The following KLHL29 variants were observed in gnomAD, a reference collection of about 807,000 sequenced individuals.
KLHL29 encodes the protein kelch-like protein 29.
KLHL29 carries 21 observed loss-of-function variants against 80.4 expected under a neutral mutation model. The ratio of observed to expected loss-of-function variants is 0.26; its 90% CI spans 0.19 to 0.38. The LOEUF (loss-of-function observed/expected upper bound fraction) is 0.38. Ranked by LOEUF, KLHL29 falls within the 10% of genes least tolerant of loss-of-function variation. The pLI, the probability that KLHL29 is intolerant of heterozygous loss-of-function variation, is 1.00. For synonymous variants in KLHL29, 511 were observed against 526.8 expected (o/e 0.97, Z 0.41); for missense variants, 867 against 1,223.9 (o/e 0.71, Z 4.35).
At chr2:23,633,781 G>A (rs1404604494) in intron 3 of KLHL29, among the ~76,000 whole-genome samples, 1 of 151,996 alleles carries the variant, frequency 6.6e-6, no homozygotes, top group Non-Finnish European at 1.5e-5. Context: ...GTGTGTGTGT[G>A]TGTGTGTGTG....
intron 2 of KLHL29, among the ~76,000 whole-genome samples, chr2:23,513,679 C>T (rs1665842392): frequency 6.6e-6 from 1 of 152,136 alleles, no homozygotes; most frequent in African/African-American, 2.4e-5. Flanking sequence ...CTCCTCCTTC[C>T]CACGTCACTC....
chr2:23,605,107 CTTT>C (rs386389703), intron 3 of KLHL29, among the ~76,000 whole-genome samples: 4 of 92,478 alleles, frequency 4.3e-5, no homozygotes, highest in Admixed American at 1.2e-4. Flanking sequence ...TCCTTTGTTG[CTTT>C]TTTTTTTTTT....
At chr2:23,691,395 G>A (rs1671590926) in intron 6 of KLHL29, 8 of 487,436 alleles carry the variant, frequency 1.6e-5, no homozygotes, top group East Asian at 1.2e-4. Flanking sequence ...CCTGGTCCTC[G>A]TCCCCATCCA....
intron 1 of KLHL29, among the ~76,000 whole-genome samples, chr2:23,430,553 A>G (rs1350874554): frequency 6.6e-6 from 1 of 152,220 alleles, no homozygotes; most frequent in African/African-American, 2.4e-5. Context: ...TGGGCCCTCC[A>G]GCTGGCCCAA....
At chr2:23,578,317 A>G (rs1006105121) in intron 3 of KLHL29, among the ~76,000 whole-genome samples, 1 of 152,200 alleles carries the variant, frequency 6.6e-6, no homozygotes, top group African/African-American at 2.4e-5. Flanking sequence ...TCTAGATTCA[A>G]ACTGTCCAAG....
At chr2:23,481,294 T>C (rs930039984) in intron 2 of KLHL29, among the ~76,000 whole-genome samples, 2 of 152,242 alleles carry the variant, frequency 1.3e-5, no homozygotes, top group South Asian at 2.1e-4. Flanking sequence ...TACGGTTTCA[T>C]GTAGGCAACA....
intron 1 of KLHL29, among the ~76,000 whole-genome samples, chr2:23,418,910 T>A (rs1662691628): frequency 6.6e-6 from 1 of 152,176 alleles, no homozygotes; most frequent in Non-Finnish European, 1.5e-5. Flanking sequence ...AGGCTTGACT[T>A]ATTGGCACAT....
Position 23,533,453 on chromosome 2 carries a change from C to T in KLHL29, c.-45-28699C>T, listed in dbSNP as rs143287041. The stretch of plus-strand genomic sequence containing the variant: ...GCCCAGCAGGATTCATGGCATTTGG[C>T]GTCAGAGAAAACGTGAGCCTCTGCC... On this transcript the variant is annotated intron_variant, in intron 2 of 13. Transcript: ENST00000486442. Among the ~76,000 whole-genome samples the T allele has an allele frequency of 2.2e-3, 330 of 152,256 alleles. 1 individual carries two copies. The highest frequency in any genetic ancestry group is 0.014 in the Admixed American group (213 of 15,292).
intron 4 of KLHL29, 44 bp downstream of exon 4, chr2:23,639,324 TGGC>T: frequency 1.3e-6 from 2 of 1,528,668 alleles, no homozygotes; most frequent in Non-Finnish European, 1.8e-6. Context: ...GCCCAGGGCT[TGGC>T]GGGAAGCTAG....
intron 3 of KLHL29, among the ~76,000 whole-genome samples, chr2:23,585,225 G>A (rs140748179): frequency 0.018 from 2,768 of 152,312 alleles, 34 homozygotes; most frequent in Non-Finnish European, 0.027. Flanking sequence ...GTACTCCCAC[G>A]TGCTCGGCAA....
At chr2:23,501,712 A>G (rs1665441305) in intron 2 of KLHL29, among the ~76,000 whole-genome samples, 1 of 152,146 alleles carries the variant, frequency 6.6e-6, no homozygotes, top group South Asian at 2.1e-4. Context: ...CTGACAGCCT[A>G]TAGGTCCCCT....
intron 2 of KLHL29, among the ~76,000 whole-genome samples, chr2:23,531,108 G>T (rs145915621): frequency 1.3e-5 from 2 of 152,356 alleles, no homozygotes; most frequent in Non-Finnish European, 2.9e-5. Context: ...GGTAAGCTGG[G>T]ACTGTATCTG....
intron 3 of KLHL29, chr2:23,618,133 G>C (rs1289880458): frequency 1.3e-5 from 2 of 152,188 alleles, no homozygotes; most frequent in African/African-American, 4.8e-5. Flanking sequence ...ATCATGGAAG[G>C]AATTCTCCAG....
intron 11 of KLHL29, chr2:23,697,991 T>C (rs1672079635): frequency 1.3e-5 from 2 of 152,200 alleles, no homozygotes; most frequent in Admixed American, 6.5e-5. Context: ...AAGACACTGA[T>C]TACTCATTTT....
chr2:23,668,444 C>T lies in KLHL29; in HGVS notation c.941-15955C>T, dbSNP rs1670614444. ...CCCCACCCCAGCACCTACCTTTGCACCCCTGTCGAACAGGTGCACCACATT... is the reference window on the plus strand; with the variant it reads ...CCCCACCCCAGCACCTACCTTTGCATCCCTGTCGAACAGGTGCACCACATT... On this transcript the variant is annotated intron_variant, in intron 5 of 13. Coordinates refer to ENST00000486442, the MANE Select transcript of KLHL29 (RefSeq NM_052920.2). The T allele has an allele frequency of 2.6e-5, 4 of 152,286 alleles. No individual in the cohort carries two copies. In the South Asian group the frequency reaches 8.3e-4, roughly 32 times the overall value. 9.4% of individuals were successfully genotyped at this position (152,286 alleles called of 1,614,324 possible). A position where few individuals can be genotyped will look rare whatever the true frequency, so the allele number is the denominator to read the frequency against.
intron 3 of KLHL29, among the ~76,000 whole-genome samples, chr2:23,574,372 C>T (rs935796815): frequency 6.6e-6 from 1 of 152,124 alleles, no homozygotes; most frequent in Non-Finnish European, 1.5e-5. Flanking sequence ...TAAGGTGGAA[C>T]GCCGAAGCTC....
chr2:23,677,515 C>T (rs1296214956), intron 5 of KLHL29, among the ~76,000 whole-genome samples: 2 of 152,246 alleles, frequency 1.3e-5, no homozygotes, highest in Non-Finnish European at 2.9e-5. Context: ...GCTGGACGAG[C>T]GACCCACAGG....
chr2:23,642,788 T>C lies in KLHL29; in HGVS notation c.878T>C (p.Leu293Pro). ...CCCACAACCGACTCGGCCCACGGGC[T>C]GCAGATGCTGCGGACCATTGGCGTG... is the stretch of plus-strand genomic sequence containing the variant. ...GPPTTDSAHG[L>P]QMLRTIGVGK... Residue 293 changes from leucine to proline, a missense_variant, in exon 5 of 14, where the codon CTG becomes CCG. Around this residue, in one of 2 missense-constraint regions of KLHL29, gnomAD observed 424 missense variants for 456.9 expected, o/e 0.93. Transcript: ENST00000486442. 1 of 1,550,416 alleles carries C rather than the reference T, an allele frequency of 6.4e-7. No individual in the cohort carries two copies. Among genetic ancestry groups the C allele is most frequent in the Non-Finnish European group, 8.7e-7 (1 of 1,146,886 alleles).
intron 3 of KLHL29, among the ~76,000 whole-genome samples, chr2:23,614,735 CAAGGAGGTAAGA>C (rs1188088249): frequency 6.6e-6 from 1 of 151,982 alleles, no homozygotes; most frequent in Admixed American, 6.5e-5. Context: ...AGCAGAGACC[CAAGGAGGTAAGA>C]AAGGAGGTCA....
Sources: allele counts gnomAD v4.1 joint callset (sites outside exome capture counted in the v4.1 genomes callset), GRCh38; gene constraint gnomAD v4.1.1; regional missense constraint gnomAD v4.1.1; transcripts MANE v1.5; gene names NCBI Gene and HGNC (gene_info 2026-07-23, HGNC 2026-07-21).